GRM1: variants seen among roughly 807,000 people sequenced by gnomAD.
GRM1 encodes the protein glutamate metabotropic receptor 1, also known as metabotropic glutamate receptor 1.
In GRM1, 33 loss-of-function variants were observed where a neutral mutation model predicts 90.9. The observed-to-expected ratio is 0.36, with a 90% CI of 0.28 to 0.49. GRM1 has a LOEUF of 0.49. GRM1 is among the 20% of genes least tolerant of loss of function. The pLI is 0.99. For synonymous variants in GRM1, 700 were observed against 613.2 expected, an observed-to-expected ratio of 1.14 and a Z score of -2.09; for missense variants, 1,190 against 1,534.3, an observed-to-expected ratio of 0.78 and a Z score of 3.75.
At chr6:146,048,497 A>C (rs1213915324) in intron 1 of GRM1, among the ~76,000 whole-genome samples, 1 of 151,944 alleles carries the variant, frequency 6.6e-6, no homozygotes, top group Non-Finnish European at 1.5e-5. Context: ...TATAATTCTT[A>C]TTTTTGCCCT....
At chr6:146,251,682 C>A (rs117879499) in intron 2 of GRM1, among the ~76,000 whole-genome samples, 1,732 of 152,272 alleles carry the variant, frequency 0.011, 73 homozygotes, top group East Asian at 0.079. Flanking sequence ...CGGATAAGGG[C>A]AGATTTGTGA....
intron 2 of GRM1, among the ~76,000 whole-genome samples, chr6:146,189,557 AT>A (rs1362190867): frequency 3.0e-4 from 45 of 152,338 alleles, no homozygotes; most frequent in Admixed American, 2.6e-3. Flanking sequence ...CATTATCATT[AT>A]GCTTCACATG....
intron 2 of GRM1, among the ~76,000 whole-genome samples, chr6:146,303,597 CCCTT>C (rs1258892363): frequency 6.6e-6 from 1 of 152,160 alleles, no homozygotes; most frequent in Non-Finnish European, 1.5e-5. Flanking sequence ...GTAAACCCCT[CCCTT>C]CCAGTTTCTG....
chr6:146,311,786 T>C (rs1196126717), intron 3 of GRM1, among the ~76,000 whole-genome samples: 1 of 152,090 alleles, frequency 6.6e-6, no homozygotes, highest in Non-Finnish European at 1.5e-5. Flanking sequence ...AAAAATACTT[T>C]TGGTTTCGTA....
intron 2 of GRM1, among the ~76,000 whole-genome samples, chr6:146,274,764 C>G (rs934347304): frequency 7.2e-5 from 11 of 152,168 alleles, no homozygotes; most frequent in Non-Finnish European, 2.9e-5. Context: ...TAGCTTAGCT[C>G]CTGATAAGAC....
intron 2 of GRM1, among the ~76,000 whole-genome samples, chr6:146,199,028 GC>G (rs1779213955): frequency 6.6e-6 from 1 of 152,070 alleles, no homozygotes; most frequent in Non-Finnish European, 1.5e-5. Flanking sequence ...ATTATTCGGG[GC>G]CCTATTATCC....
chr6:146,104,735 A>C (rs145816426), intron 1 of GRM1, among the ~76,000 whole-genome samples: 299 of 152,342 alleles, frequency 2.0e-3, no homozygotes, highest in African/African-American at 6.9e-3. Context: ...ATGAACACAC[A>C]AGTGGGGATA....
At chr6:146,349,707 T>C (rs1191396053) in intron 3 of GRM1, among the ~76,000 whole-genome samples, 1 of 152,166 alleles carries the variant, frequency 6.6e-6, no homozygotes, top group Non-Finnish European at 1.5e-5. Flanking sequence ...TTTGTCTACA[T>C]AATACCCCAT....
intron 1 of GRM1, among the ~76,000 whole-genome samples, chr6:146,044,335 CT>C (rs1791244005): frequency 1.3e-5 from 2 of 151,918 alleles, no homozygotes; most frequent in African/African-American, 4.8e-5. Flanking sequence ...AGGAAGCTTG[CT>C]TTTACCCATC....
At chr6:146,211,802 T>G (rs907877789) in intron 2 of GRM1, among the ~76,000 whole-genome samples, 6 of 152,262 alleles carry the variant, frequency 3.9e-5, no homozygotes, top group African/African-American at 1.2e-4. Context: ...TTCAGTTTCA[T>G]TTTTAGATTC....
intron 2 of GRM1, among the ~76,000 whole-genome samples, chr6:146,225,772 G>A (rs930291586): frequency 2.0e-5 from 3 of 152,036 alleles, no homozygotes; most frequent in African/African-American, 7.2e-5. Flanking sequence ...GTATTTGTAT[G>A]TTCATCAAAA....
intron 5 of GRM1, among the ~76,000 whole-genome samples, chr6:146,364,405 C>T (rs183964631): frequency 8.5e-5 from 13 of 152,320 alleles, no homozygotes; most frequent in Non-Finnish European, 1.5e-5. Flanking sequence ...ACAATCATCA[C>T]TATCTGATTA....
chr6:146,314,938 T>TAA (rs1350284174), intron 3 of GRM1, among the ~76,000 whole-genome samples: 11 of 152,166 alleles, frequency 7.2e-5, no homozygotes, highest in Admixed American at 7.2e-4. Flanking sequence ...AGTGACTGCG[T>TAA]TTCCGAAAAA....
chr6:146,274,901 G>A (rs1026163574), intron 2 of GRM1, among the ~76,000 whole-genome samples: 8 of 152,090 alleles, frequency 5.3e-5, no homozygotes, highest in African/African-American at 1.9e-4. Flanking sequence ...TTGATGGTGG[G>A]CACCTATAAT....
chr6:146,158,144 T>G (rs1777585012), intron 1 of GRM1, among the ~76,000 whole-genome samples: 1 of 152,176 alleles, frequency 6.6e-6, no homozygotes, highest in Non-Finnish European at 1.5e-5. Flanking sequence ...TTAGCCATAT[T>G]TAGGTGCTCA....
intron 1 of GRM1, among the ~76,000 whole-genome samples, chr6:146,134,900 C>G (rs926966619): frequency 7.2e-5 from 11 of 152,126 alleles, no homozygotes; most frequent in African/African-American, 2.4e-4. Flanking sequence ...CACTGGACTC[C>G]AGTCTGGATG....
rs552514199 is a variant in GRM1 at position 146,426,307 on chromosome 6, G to C, written c.2661-7565G>C. Among the ~76,000 whole-genome samples, 404 of 149,906 alleles carry C rather than the reference G, an allele frequency of 2.7e-3. 1 individual carries two copies. Among genetic ancestry groups the C allele is most frequent in the African/African-American group, 8.9e-3 (363 of 40,762 alleles). ...GGAGGGAAAGAGCAAACCTGGGGTA[G>C]ACACACACACACACACACAGCAAAA... On this transcript the variant is annotated intron_variant, in intron 7 of 7. Coordinates refer to ENST00000282753, the MANE Select transcript of GRM1 (RefSeq NM_001278064.2).
At chr6:146,334,217 C>G (rs1784685526) in intron 3 of GRM1, among the ~76,000 whole-genome samples, 1 of 152,176 alleles carries the variant, frequency 6.6e-6, no homozygotes, top group Non-Finnish European at 1.5e-5. Context: ...GATGTGCAGT[C>G]CAGGCAGTAC....
intron 2 of GRM1, among the ~76,000 whole-genome samples, chr6:146,268,510 T>G (rs528389477): frequency 6.6e-6 from 1 of 152,336 alleles, no homozygotes; most frequent in South Asian, 2.1e-4. Flanking sequence ...TACTTGTATC[T>G]TCAATGCCAG....
Sources: allele counts gnomAD v4.1 joint callset (sites outside exome capture counted in the v4.1 genomes callset), GRCh38; gene constraint gnomAD v4.1.1; transcripts MANE v1.5; gene names NCBI Gene and HGNC (gene_info 2026-07-23, HGNC 2026-07-21).